SCAPER: variants seen among roughly 807,000 people sequenced by gnomAD.
SCAPER encodes the protein S-phase cyclin A associated protein in the ER.
Under a neutral mutation model 182.2 loss-of-function variants are expected in SCAPER, and 98 were observed. The observed-to-expected ratio is 0.54, with a 90% CI of 0.46 to 0.64. The LOEUF (loss-of-function observed/expected upper bound fraction) is 0.64, where lower values mean the gene tolerates loss of function less well. SCAPER is among the 30% of genes least tolerant of loss of function. SCAPER has a pLI of 0.00. For synonymous variants in SCAPER, 605 were observed against 564.6 expected (o/e 1.07, Z -1.01); for missense variants, 1,432 against 1,690.0 (o/e 0.85, Z 2.68).
intron 5 of SCAPER, among the ~76,000 whole-genome samples, chr15:76,832,631 A>G (rs1484166425): frequency 6.6e-6 from 1 of 152,124 alleles, no homozygotes; most frequent in Non-Finnish European, 1.5e-5. Context: ...TGGAGGGCCT[A>G]GTGGGAGGTG....
intron 15 of SCAPER, among the ~76,000 whole-genome samples, chr15:76,748,526 T>C (rs1270821328): frequency 6.6e-6 from 1 of 150,798 alleles, no homozygotes; most frequent in African/African-American, 2.4e-5. Context: ...TTAAAAACTT[T>C]TATGAAAAGA....
At chr15:76,462,954 C>T (rs2049307074) in intron 25 of SCAPER, among the ~76,000 whole-genome samples, 1 of 152,124 alleles carries the variant, frequency 6.6e-6, no homozygotes, top group Non-Finnish European at 1.5e-5. Context: ...GGGCAAGTAT[C>T]CAACCCCACA....
At chr15:76,861,423 T>C (rs903511930) in intron 3 of SCAPER, among the ~76,000 whole-genome samples, 3 of 152,164 alleles carry the variant, frequency 2.0e-5, no homozygotes, top group African/African-American at 7.2e-5. Flanking sequence ...TAAAAACACC[T>C]ACCTGAATCT....
chr15:76,431,401 A>C (rs1414527819), intron 26 of SCAPER, among the ~76,000 whole-genome samples: 1 of 152,114 alleles, frequency 6.6e-6, no homozygotes, highest in Non-Finnish European at 1.5e-5. Flanking sequence ...GAAACAAATA[A>C]AATAATAAGA....
chr15:76,868,789 A>C (rs897812628), intron 2 of SCAPER, among the ~76,000 whole-genome samples: 11 of 152,212 alleles, frequency 7.2e-5, no homozygotes, highest in Non-Finnish European at 1.5e-4. Flanking sequence ...AAAAAATCCT[A>C]AAACTTATAT....
At position 76,604,296 on chromosome 15, in the gene SCAPER, G is replaced by T. The variant is rs1288434177; in HGVS notation, c.2711+17468C>A. ...TTAAATAGGGAATCCTTTCCCTATT[G>T]CTTGTTTTTGTCAGGTTTGTCAAAG... is the stretch of plus-strand genomic sequence containing the variant. On this transcript the variant is annotated intron_variant, in intron 22 of 31. Coordinates refer to ENST00000563290, the MANE Select transcript of SCAPER (RefSeq NM_020843.4). Among the ~76,000 whole-genome samples, 6 of 120,502 alleles carry T rather than the reference G, an allele frequency of 5.0e-5. 1 individual carries two copies. Among genetic ancestry groups the T allele is most frequent in the African/African-American group, 1.3e-4 (5 of 39,514 alleles). The allele number at this position is 120,502 out of a possible 152,430, so 79.1% of individuals were successfully genotyped here.
intron 22 of SCAPER, among the ~76,000 whole-genome samples, chr15:76,606,074 G>C (rs2145856211): frequency 6.6e-6 from 1 of 152,182 alleles, no homozygotes. Context: ...TTTTGAATGT[G>C]GTTGCCCTTG....
At chr15:76,543,678 T>C (rs2044992137) in intron 23 of SCAPER, among the ~76,000 whole-genome samples, 1 of 152,136 alleles carries the variant, frequency 6.6e-6, no homozygotes, top group Admixed American at 6.6e-5. Context: ...GAGGAACCTA[T>C]ATCATATGCC....
chr15:76,718,566 G>C (rs1372201096), intron 17 of SCAPER, among the ~76,000 whole-genome samples: 1 of 151,810 alleles, frequency 6.6e-6, no homozygotes, highest in Non-Finnish European at 1.5e-5. Context: ...ACTTGAACCT[G>C]GGAAGTGGAG....
chr15:76,593,837 C>T (rs1340721195), intron 22 of SCAPER, among the ~76,000 whole-genome samples: 7 of 120,558 alleles, frequency 5.8e-5, no homozygotes, highest in Admixed American at 1.9e-4. Flanking sequence ...ACATCAAAGA[C>T]CAAAGGTAGA....
chr15:76,541,247 A>G lies in SCAPER; in HGVS notation c.2838+32911T>C, dbSNP rs536592153. Among the ~76,000 whole-genome samples, 4 of 152,272 alleles carry G rather than the reference A, an allele frequency of 2.6e-5. No individual in the cohort carries two copies. The East Asian group carries it at 7.7e-4, about 29-fold the overall frequency. On this transcript the variant is annotated intron_variant, in intron 23 of 31. Coordinates refer to ENST00000563290, the MANE Select transcript of SCAPER (RefSeq NM_020843.4). ...AAAAAATATATATCTAAATATACAC[A>G]TATACCTTTGAAATATTTGTAGCTG...
intron 5 of SCAPER, among the ~76,000 whole-genome samples, chr15:76,811,302 G>T (rs865796561): frequency 6.6e-6 from 1 of 151,874 alleles, no homozygotes; most frequent in Non-Finnish European, 1.5e-5. Flanking sequence ...TTTTCCAACC[G>T]CAATTGAATG....
In SCAPER at chr15:76,862,493, C is replaced by A; in HGVS notation, c.47G>T (p.Arg16Ile). ...TGTACGACCCTCCTCTGCAACTATT[C>A]TCCTTACTTTGTCATGACTATTGGA... ...QRSNSHDKVR[R>I]IVAEEGRTAR... The change falls in exon 3 of 32, where the codon AGA (arginine) becomes ATA (isoleucine). Residue 16 changes from arginine (R) to isoleucine (I), a missense_variant. This residue lies in a region of SCAPER where 480 missense variants were observed against 510.2 expected (regional missense o/e 0.94). Coordinates refer to ENST00000563290, the MANE Select transcript of SCAPER (RefSeq NM_020843.4). 1 of 1,613,316 alleles carries A rather than the reference C, an allele frequency of 6.2e-7. No homozygotes were observed.
chr15:76,747,476 T>C lies in SCAPER; in HGVS notation c.1866+6332A>G, dbSNP rs2061855361. On this transcript the variant is annotated intron_variant, in intron 15 of 31. Coordinates refer to ENST00000563290, the MANE Select transcript of SCAPER (RefSeq NM_020843.4). ...AAGACCACACCACTGCACTCCAGCC[T>C]GGGGACAGAGTGAGACTCTGTCTCA... Among the ~76,000 whole-genome samples the C allele has an allele frequency of 4.6e-5, 7 of 152,056 alleles. No homozygotes were observed. The South Asian group carries it at 1.4e-3, about 31-fold the overall frequency.
chr15:76,354,206 C>T lies in SCAPER; in HGVS notation c.3856-66G>A, dbSNP rs1253004776. On this transcript the variant is annotated intron_variant, in intron 29 of 31. Coordinates refer to ENST00000563290, the MANE Select transcript of SCAPER (RefSeq NM_020843.4). This position sits in a 1 kb window ranked among gnomAD's most constrained non-coding sequence, Gnocchi z 4.4. ...CCAGCCTGTCCCTCACCCACCTGCA[C>T]AGTGTCGGCTAGTACCATGGAAAAC... is the stretch of plus-strand genomic sequence containing the variant. 1 of 1,473,294 alleles carries T rather than the reference C, an allele frequency of 6.8e-7. No homozygotes were observed. The highest frequency in any genetic ancestry group is 1.3e-5 in the South Asian group (1 of 77,528). The allele number at this position is 1,473,294 out of a possible 1,614,324, so 91.3% of individuals were successfully genotyped here. A position where few individuals can be genotyped will look rare whatever the true frequency, so the allele number is the denominator to read the frequency against.
intron 2 of SCAPER, among the ~76,000 whole-genome samples, chr15:76,874,053 T>C (rs2072977025): frequency 6.6e-6 from 1 of 152,066 alleles, no homozygotes. Flanking sequence ...GCACCACGCC[T>C]GGCTAATTTA....
At chr15:76,845,834 GA>G (rs553190887) in intron 4 of SCAPER, among the ~76,000 whole-genome samples, 2 of 151,398 alleles carry the variant, frequency 1.3e-5, no homozygotes, top group Non-Finnish European at 2.9e-5. Context: ...CACAGAAACA[GA>G]AAAAAAATCC....
chr15:76,814,418 C>T (rs947304857), intron 5 of SCAPER, among the ~76,000 whole-genome samples: 3 of 152,062 alleles, frequency 2.0e-5, no homozygotes, highest in South Asian at 2.1e-4. Flanking sequence ...GACATGAAGA[C>T]CAACAGAACA....
intron 15 of SCAPER, among the ~76,000 whole-genome samples, chr15:76,751,859 A>T (rs2062105237): frequency 2.0e-5 from 3 of 151,852 alleles, no homozygotes; most frequent in African/African-American, 7.2e-5. Flanking sequence ...ACAGGCAACA[A>T]AAGAAAAAAA....
Sources: gnomAD v4.1 joint callset for allele counts (sites outside exome capture counted in the v4.1 genomes callset) on GRCh38, gnomAD v4.1.1 for gene constraint, gnomAD v4.1.1 regional missense constraint, Gnocchi (gnomAD v3.1) non-coding constraint, MANE v1.5 for transcripts, NCBI Gene and HGNC (gene_info 2026-07-23, HGNC 2026-07-21) for gene names.